The following TEX11 variants were observed in gnomAD, a reference collection of about 807,000 sequenced individuals.
The protein encoded by TEX11 is testis-expressed protein 11.
A neutral mutation model predicts 84.4 loss-of-function variants in TEX11; 7 were observed. That is an observed-to-expected ratio of 0.08 (90% CI 0.05 to 0.16). The LOEUF (loss-of-function observed/expected upper bound fraction) is 0.16. TEX11 is among the 10% of genes least tolerant of loss of function. TEX11 has a pLI of 1.00. For synonymous variants in TEX11, 264 were observed against 222.8 expected (o/e 1.18, Z -1.64); for missense variants, 551 against 660.5 (o/e 0.83, Z 1.82).
At chrX:70,594,005 A>G (rs1231709828) in intron 24 of TEX11, among the ~76,000 whole-genome samples, 2 of 111,777 alleles carry the variant, frequency 1.8e-5, no homozygotes. Context: ...AAAAACAATA[A>G]TCTACACACT....
intron 17 of TEX11, among the ~76,000 whole-genome samples, chrX:70,636,023 T>C (rs1459530097): frequency 1.8e-5 from 2 of 111,277 alleles, no homozygotes; most frequent in African/African-American, 6.6e-5. Flanking sequence ...AGGGATGGGC[T>C]GGCCCCCATG....
intron 16 of TEX11, among the ~76,000 whole-genome samples, chrX:70,656,031 T>C (rs920302611): frequency 9.0e-6 from 1 of 110,712 alleles, no homozygotes; most frequent in African/African-American, 3.3e-5. Flanking sequence ...TGTCAATTTG[T>C]ATAATTGAAT....
intron 9 of TEX11, 34 bp from the exon 10 acceptor site, chrX:70,744,253 T>A: frequency 1.8e-6 from 1 of 561,631 alleles, no homozygotes; most frequent in Non-Finnish European, 2.4e-6. Context: ...TATATATATA[T>A]ATATAAACAT....
intron 5 of TEX11, among the ~76,000 whole-genome samples, chrX:70,859,367 C>T (rs928870076): frequency 1.9e-5 from 2 of 105,351 alleles, no homozygotes; most frequent in African/African-American, 6.9e-5. Flanking sequence ...CACTTGAGGT[C>T]AGGAGTTCAA....
rs750564756 is a variant in TEX11 at position 70,897,000 on chromosome X, C to T, written c.37+10753G>A. 7.5e-5 allele frequency among the ~76,000 whole-genome samples: 8 copies of T among 106,022 alleles called. No homozygotes were observed. In the East Asian group the frequency reaches 2.1e-3, roughly 28 times the overall value. The allele number at this position is 106,022 out of a possible 115,157, so 92.1% of individuals were successfully genotyped here. A position where few individuals can be genotyped will look rare whatever the true frequency, so the allele number is the denominator to read the frequency against. On this transcript the variant is annotated intron_variant, in intron 2 of 29. Coordinates refer to ENST00000374333, the MANE Select transcript of TEX11 (RefSeq NM_031276.3). ...AAAAAAAAATAGCCAGATGTGGTGGCGTGCACCTGCAGTCCCAGCTACTCA... is the reference window on the plus strand; with the variant it reads ...AAAAAAAAATAGCCAGATGTGGTGGTGTGCACCTGCAGTCCCAGCTACTCA...
chrX:70,703,647 T>C (rs180696390), intron 13 of TEX11, among the ~76,000 whole-genome samples: 1 of 111,918 alleles, frequency 8.9e-6, no homozygotes, highest in Admixed American at 9.5e-5. Flanking sequence ...TTTTTATCCT[T>C]TCTTTCCAAT....
intron 28 of TEX11, among the ~76,000 whole-genome samples, chrX:70,535,576 A>G (rs1309809934): frequency 9.0e-6 from 1 of 110,672 alleles, no homozygotes; most frequent in Non-Finnish European, 1.9e-5. Flanking sequence ...GTGAAACCGC[A>G]TCTCTACCAA....
chrX:70,755,906 C>CCTA (rs1451945619), intron 9 of TEX11, among the ~76,000 whole-genome samples: 1 of 112,576 alleles, frequency 8.9e-6, no homozygotes, highest in African/African-American at 3.2e-5. Context: ...CTGTGCTTTT[C>CCTA]CTACAGTCTT....
At chrX:70,855,228 A>G (rs769303740) in intron 5 of TEX11, among the ~76,000 whole-genome samples, 2 of 110,837 alleles carry the variant, frequency 1.8e-5, no homozygotes, top group African/African-American at 6.6e-5. Flanking sequence ...CTCATCCATC[A>G]TAATAGCAAA....
intron 13 of TEX11, among the ~76,000 whole-genome samples, chrX:70,717,192 T>A (rs1188523278): frequency 9.0e-6 from 1 of 110,813 alleles, no homozygotes; most frequent in African/African-American, 3.3e-5. Context: ...AAAAGATCGC[T>A]TAAGAGACAT....
At chrX:70,531,737 T>C (rs944778261) in intron 28 of TEX11, among the ~76,000 whole-genome samples, 17 of 111,740 alleles carry the variant, frequency 1.5e-4, no homozygotes, top group African/African-American at 5.2e-4. Context: ...ATGGTGATGG[T>C]TGCACAATCT....
chrX:70,726,743 C>T (rs1466625028), intron 11 of TEX11, among the ~76,000 whole-genome samples: 1 of 110,194 alleles, frequency 9.1e-6, no homozygotes. Flanking sequence ...GTTGGCCAGA[C>T]TGTTCTCGAA....
chrX:70,831,140 GAAATCCTGTC>G (rs2091374852), intron 8 of TEX11, among the ~76,000 whole-genome samples: 1 of 111,566 alleles, frequency 9.0e-6, no homozygotes, highest in Non-Finnish European at 1.9e-5. Flanking sequence ...AAAAAAGAAG[GAAATCCTGTC>G]ATTTGTGATA....
intron 7 of TEX11, among the ~76,000 whole-genome samples, chrX:70,837,376 T>G (rs747111848): frequency 5.4e-5 from 6 of 110,516 alleles, no homozygotes; most frequent in Non-Finnish European, 1.1e-4. Context: ...CTGGCCAACT[T>G]GGTGAAACGC....
chrX:70,854,820 C>T (rs1403823072), intron 5 of TEX11, among the ~76,000 whole-genome samples: 2 of 107,956 alleles, frequency 1.9e-5, no homozygotes, highest in African/African-American at 3.4e-5. Flanking sequence ...CCGAGGTGGA[C>T]GAATTTCTTA....
At chrX:70,521,627 G>T in the TEX11 span, among the ~76,000 whole-genome samples, 1 of 111,689 alleles carries the variant, frequency 9.0e-6, no homozygotes, top group East Asian at 2.8e-4. Context: ...AGAACGTAAA[G>T]AAATCAACAA....
chrX:70,553,187 G>T (rs748379806), intron 27 of TEX11, 119 bp downstream of exon 27: 10 of 412,321 alleles, frequency 2.4e-5, no homozygotes, highest in Non-Finnish European at 3.3e-5. Flanking sequence ...TCACAAGAAT[G>T]CCCCCAGATC....
chrX:70,511,623 A>C, the TEX11 span, among the ~76,000 whole-genome samples: 4 of 105,165 alleles, frequency 3.8e-5, no homozygotes, highest in African/African-American at 1.4e-4. Context: ...TGTGGTGGCA[A>C]ATGCCTGTAG....
At chrX:70,823,033 G>A (rs1424304126) in intron 8 of TEX11, among the ~76,000 whole-genome samples, 9 of 106,731 alleles carry the variant, frequency 8.4e-5, no homozygotes, top group African/African-American at 2.7e-4. Flanking sequence ...GGTGGGGGGC[G>A]GGTGGCGTCA....
Sources: gnomAD v4.1 joint callset for allele counts (sites outside exome capture counted in the v4.1 genomes callset) on GRCh38, gnomAD v4.1.1 for gene constraint, MANE v1.5 for transcripts, NCBI Gene and HGNC (gene_info 2026-07-23, HGNC 2026-07-21) for gene names.